Variants in LMBR1 observed in about 807,000 individuals in gnomAD.
LMBR1 encodes the protein limb development membrane protein 1.
Under a neutral mutation model 73.9 loss-of-function variants are expected in LMBR1, and 52 were observed. The observed-to-expected ratio is 0.70, with a 90% CI of 0.56 to 0.89. The LOEUF (loss-of-function observed/expected upper bound fraction) is 0.89, where lower values mean the gene tolerates loss of function less well. Among genes scored for constraint, LMBR1 ranks in the 40% least tolerant of loss-of-function variants. The probability of loss-of-function intolerance (pLI) is 0.00; values close to 1 mark genes in which losing one functional copy is unlikely to be tolerated. For synonymous variants in LMBR1, 215 were observed against 209.4 expected, an observed-to-expected ratio of 1.03 and a Z score of -0.23; for missense variants, 539 against 579.8, an observed-to-expected ratio of 0.93 and a Z score of 0.72.
chr7:156,762,846 A>AGTGTGTTTGTGTGT (rs1554505711), intron 7 of LMBR1, among the ~76,000 whole-genome samples: 14 of 148,628 alleles, frequency 9.4e-5, no homozygotes, highest in African/African-American at 3.2e-4. Flanking sequence ...TGTGAGTGTG[A>AGTGTGTTTGTGTGT]GTGTGTGTGT....
At chr7:156,801,700 T>C (rs1472932237) in intron 4 of LMBR1, among the ~76,000 whole-genome samples, 1 of 151,990 alleles carries the variant, frequency 6.6e-6, no homozygotes, top group Non-Finnish European at 1.5e-5. Flanking sequence ...CCAGGCTGAT[T>C]TTTGTATTTT....
At chr7:156,800,482 CAAAA>C (rs1245017996) in intron 4 of LMBR1, among the ~76,000 whole-genome samples, 5,511 of 81,058 alleles carry the variant, frequency 0.068, 221 homozygotes, top group Admixed American at 0.094. Context: ...ACTTGCTACT[CAAAA>C]AAAAAAAAAA....
chr7:156,882,307 T>C (rs1801212082), intron 1 of LMBR1, among the ~76,000 whole-genome samples: 1 of 152,126 alleles, frequency 6.6e-6, no homozygotes, highest in African/African-American at 2.4e-5. Flanking sequence ...TAGCCAGGCA[T>C]GGCAGTGGGT....
At chr7:156,728,594 G>C (rs1267317842) in intron 11 of LMBR1, 50 bp downstream of exon 11, 2 of 1,332,588 alleles carry the variant, frequency 1.5e-6, no homozygotes, top group African/African-American at 3.0e-5. Flanking sequence ...AAATGCTGAA[G>C]TAAATAAAAT....
chr7:156,756,354 ATTT>A, intron 9 of LMBR1, 36 bp downstream of exon 9: 1 of 982,838 alleles, frequency 1.0e-6, no homozygotes, highest in Non-Finnish European at 1.6e-6. Flanking sequence ...AATTAAAAAG[ATTT>A]TTTTATCCCC....
intron 4 of LMBR1, among the ~76,000 whole-genome samples, chr7:156,805,265 T>C (rs1207994781): frequency 2.7e-5 from 4 of 148,424 alleles, no homozygotes; most frequent in Non-Finnish European, 5.9e-5. Context: ...TCATCCAGGC[T>C]GGAGTGCAGT....
intron 1 of LMBR1, among the ~76,000 whole-genome samples, chr7:156,855,666 C>CAAAAAAAAAAAAAA (rs35231167): frequency 1.1e-5 from 1 of 87,298 alleles, no homozygotes; most frequent in Non-Finnish European, 2.2e-5. Flanking sequence ...AACGTAAATA[C>CAAAAAAAAAAAAAA]AAAAAAAAAA....
Position 156,826,735 on chromosome 7 carries a change from CA to C in LMBR1, c.188del (p.Leu63Ter). 1 of 1,605,618 alleles carries C rather than the reference CA, an allele frequency of 6.2e-7. No homozygotes were observed. Among genetic ancestry groups the C allele is most frequent in the Non-Finnish European group, 8.5e-7 (1 of 1,175,286 alleles). On this transcript the variant is annotated frameshift_variant, in exon 4 of 17. Coordinates refer to ENST00000353442, the MANE Select transcript of LMBR1 (RefSeq NM_022458.4). LOFTEE classifies it high-confidence loss of function. ...CTGACACTGCGAGAGTGAACGTGCT[CA>C]AAAACAACCTGGAAGAAAGGAGAGT... ...DAIVNRISLF[L>X]STFTLAVSAG...
intron 1 of LMBR1, among the ~76,000 whole-genome samples, chr7:156,857,566 G>A (rs1797142181): frequency 1.3e-5 from 2 of 152,184 alleles, no homozygotes; most frequent in Admixed American, 1.3e-4. Context: ...AAATCAGTAA[G>A]GGTACATAGT....
In LMBR1 at chr7:156,683,997, A is replaced by C; in HGVS notation, c.*81T>G. On this transcript the variant is annotated 3_prime_UTR_variant, in exon 17 of 17. Coordinates refer to ENST00000353442, the MANE Select transcript of LMBR1 (RefSeq NM_022458.4). ...CTGAAGAGGGGCCACGGTTGAATGG[A>C]AATGCTTCTACATGGGACAGGAATG... 1 of 1,164,552 alleles carries C rather than the reference A, an allele frequency of 8.6e-7. No individual in the cohort carries two copies. Among genetic ancestry groups the C allele is most frequent in the Non-Finnish European group, 1.3e-6 (1 of 786,070 alleles). The allele number at this position is 1,164,552 out of a possible 1,614,324, so 72.1% of individuals were successfully genotyped here. A position where few individuals can be genotyped will look rare whatever the true frequency, so the allele number is the denominator to read the frequency against.
intron 15 of LMBR1, among the ~76,000 whole-genome samples, chr7:156,704,731 G>T (rs1810538547): frequency 6.8e-6 from 1 of 146,698 alleles, no homozygotes. Flanking sequence ...TGAATAAGAA[G>T]TTTACTAAGG....
At chr7:156,750,649 C>T (rs753285906) in intron 9 of LMBR1, among the ~76,000 whole-genome samples, 13 of 152,192 alleles carry the variant, frequency 8.5e-5, no homozygotes, top group Non-Finnish European at 1.6e-4. Flanking sequence ...AATGACAACT[C>T]TCCATCATGT....
intron 4 of LMBR1, among the ~76,000 whole-genome samples, chr7:156,797,390 CAAGAGTCA>C (rs1830228676): frequency 4.6e-5 from 7 of 152,286 alleles, no homozygotes; most frequent in Admixed American, 4.6e-4. Context: ...TTTATAAAAT[CAAGAGTCA>C]AAGATAAAAT....
At position 156,887,088 on chromosome 7, in the gene LMBR1, C is replaced by A. The variant is rs2134562195; in HGVS notation, c.66+5840G>T. Among the ~76,000 whole-genome samples the A allele has an allele frequency of 1.3e-5, 2 of 152,254 alleles. 1 individual carries two copies. Among genetic ancestry groups the A allele is most frequent in the South Asian group, 4.1e-4 (2 of 4,828 alleles). On this transcript the variant is annotated intron_variant, in intron 1 of 16. Coordinates refer to ENST00000353442, the MANE Select transcript of LMBR1 (RefSeq NM_022458.4). ...ACTACCTGATACTAATAGCCAAAGT[C>A]AAATATGATCACTAAAGCAACTGAC...
Position 156,669,854 on chromosome 7 carries a change from C to G in LMBR1, n.867-567G>C, listed in dbSNP as rs542001779. Among the ~76,000 whole-genome samples, 2 of 152,122 alleles carry G rather than the reference C, an allele frequency of 1.3e-5. No homozygotes were observed. Among genetic ancestry groups the G allele is most frequent in the African/African-American group, 4.8e-5 (2 of 41,438 alleles). Reference sequence around the variant, plus strand: ...GAGACGTGCAGTTGGGCCTGCAGCACGCAGGGCTTGGGGACTCTGTTCCAG... The same window carrying G: ...GAGACGTGCAGTTGGGCCTGCAGCAGGCAGGGCTTGGGGACTCTGTTCCAG... On this transcript the variant is annotated intron_variant and non_coding_transcript_variant, in intron 4 of 4. Transcript: ENST00000430825. This position sits in a 1 kb window ranked among gnomAD's most constrained non-coding sequence, Gnocchi z 4.2.
chr7:156,707,384 T>C (rs1811190050), intron 15 of LMBR1, among the ~76,000 whole-genome samples: 1 of 152,230 alleles, frequency 6.6e-6, no homozygotes. Flanking sequence ...TAAGTCATTC[T>C]ATGAGGCCCA....
At chr7:156,882,076 A>G (rs570846755) in intron 1 of LMBR1, among the ~76,000 whole-genome samples, 2 of 152,340 alleles carry the variant, frequency 1.3e-5, no homozygotes, top group East Asian at 3.9e-4. Context: ...AACAACCTAA[A>G]TGTCTATTAA....
At chr7:156,711,897 A>G (rs1437511706) in intron 15 of LMBR1, among the ~76,000 whole-genome samples, 1 of 152,180 alleles carries the variant, frequency 6.6e-6, no homozygotes, top group African/African-American at 2.4e-5. Flanking sequence ...TTATAAAAAT[A>G]CTAGAAGAAA....
chr7:156,767,220 C>T (rs1160470069), intron 5 of LMBR1, among the ~76,000 whole-genome samples: 2 of 152,142 alleles, frequency 1.3e-5, no homozygotes, highest in African/African-American at 4.8e-5. Context: ...CGGACTCAAA[C>T]TCACGGCTCT....
Sources: allele counts gnomAD v4.1 joint callset (sites outside exome capture counted in the v4.1 genomes callset), GRCh38; gene constraint gnomAD v4.1.1; non-coding constraint Gnocchi (gnomAD v3.1); transcripts MANE v1.5; gene names NCBI Gene and HGNC (gene_info 2026-07-23, HGNC 2026-07-21).